Variants in ZNF799 observed in about 807,000 individuals in gnomAD.
ZNF799 encodes zinc finger protein 799.
ZNF799 carries 28 observed loss-of-function variants against 41.0 expected under a neutral mutation model. The observed-to-expected ratio is 0.68, with a 90% CI of 0.51 to 0.94. ZNF799 has a LOEUF of 0.94. Ranked by LOEUF, ZNF799 falls within the 40% of genes least tolerant of loss-of-function variation. ZNF799 has a pLI of 0.00. For missense variants in ZNF799, 716 were observed against 764.3 expected (o/e 0.94, Z 0.74); for synonymous variants, 213 against 252.9 (o/e 0.84, Z 1.50).
At chr19:12,399,196 T>C (rs909351987) in intron 1 of ZNF799, among the ~76,000 whole-genome samples, 2 of 151,996 alleles carry the variant, frequency 1.3e-5, no homozygotes, top group African/African-American at 4.8e-5. Flanking sequence ...ACAATCAGGG[T>C]GGGTCATCCT....
rs2910427 is a variant in ZNF799 at position 12,395,548 on chromosome 19, G to C, written c.4-2125C>G. 1.3e-3 allele frequency among the ~76,000 whole-genome samples: 194 copies of C among 152,110 alleles called. 2 individuals are homozygous for C. The highest frequency in any genetic ancestry group is 2.5e-3 in the South Asian group (12 of 4,816). On this transcript the variant is annotated intron_variant, in intron 1 of 3. Transcript: ENST00000430385. Reference sequence around the variant, plus strand: ...TACACAAAAAGCCTGTAGCCAACTGGAAGAACAGACTATGATTAAGACATA... The same window carrying C: ...TACACAAAAAGCCTGTAGCCAACTGCAAGAACAGACTATGATTAAGACATA...
upstream of ZNF799, among the ~76,000 whole-genome samples, chr19:12,402,317 G>A (rs994285728): frequency 4.6e-5 from 7 of 151,724 alleles, no homozygotes; most frequent in Admixed American, 2.0e-4. Context: ...TACTTTTTTG[G>A]TGGAGTCTTT....
At chr19:12,413,047 CAAAAAAAAA>C in the ZNF799 span, among the ~76,000 whole-genome samples, 5 of 62,888 alleles carry the variant, frequency 8.0e-5, no homozygotes, top group African/African-American at 3.0e-4. Flanking sequence ...ACTCCGTCTC[CAAAAAAAAA>C]AAAAAAAAAA....
the ZNF799 span, among the ~76,000 whole-genome samples, chr19:12,406,532 A>G: frequency 1.3e-5 from 2 of 152,038 alleles, no homozygotes; most frequent in Non-Finnish European, 2.9e-5. Context: ...AAATATGTTC[A>G]ACAAGGTAAA....
the ZNF799 span, among the ~76,000 whole-genome samples, chr19:12,408,120 C>T: frequency 1.3e-5 from 2 of 152,046 alleles, no homozygotes; most frequent in South Asian, 2.1e-4. Flanking sequence ...TGCCACTGCA[C>T]TCCAGCATGT....
At chr19:12,407,471 A>C in the ZNF799 span, among the ~76,000 whole-genome samples, 1 of 151,254 alleles carries the variant, frequency 6.6e-6, no homozygotes, top group Admixed American at 6.6e-5. Context: ...TAAAAAAAAA[A>C]AGAGAGAGAG....
upstream of ZNF799, among the ~76,000 whole-genome samples, chr19:12,401,953 T>A: frequency 6.6e-6 from 1 of 152,238 alleles, no homozygotes; most frequent in Non-Finnish European, 1.5e-5. Flanking sequence ...AGTCACTCTG[T>A]TGTGCTAGCA....
the ZNF799 span, among the ~76,000 whole-genome samples, chr19:12,407,840 T>A: frequency 6.6e-6 from 1 of 152,140 alleles, no homozygotes; most frequent in African/African-American, 2.4e-5. Flanking sequence ...ATACTCAAAC[T>A]CTAGGGAATT....
intron 1 of ZNF799, chr19:12,394,622 AG>A (rs1969868891): frequency 5.1e-6 from 5 of 985,340 alleles, no homozygotes; most frequent in Non-Finnish European, 6.0e-6. Flanking sequence ...ACCACCTCAA[AG>A]GAAAAATTTT....
In ZNF799 at chr19:12,392,034, T is replaced by C; in HGVS notation, c.364A>G (p.Ile122Val). Residue 122 changes from isoleucine to valine, a missense_variant, in exon 4 of 4, where the codon ATC becomes GTC. Around this residue, in one of 2 missense-constraint regions of ZNF799, gnomAD observed 698 missense variants for 713.6 expected, o/e 0.98. Transcript: ENST00000430385. ...GGTTTGTGCCCAGCACCAACTCTGA[T>C]GTAACAATTAAGGGATGAATGACCC... ...IMGHSSLNCY[I>V]RVGAGHKPYE... The C allele has an allele frequency of 1.9e-6, 3 of 1,614,204 alleles. No homozygotes were observed. Among genetic ancestry groups the C allele is most frequent in the Non-Finnish European group, 2.5e-6 (3 of 1,180,020 alleles).
At position 12,401,187 on chromosome 19, in the gene ZNF799, C is replaced by A. The variant is rs867412108; in HGVS notation, c.-117G>T. On this transcript the variant is annotated 5_prime_UTR_variant, in exon 1 of 4. Transcript: ENST00000430385. ...GTCGTCTCTTAGCTACAGAGCCGAG[C>A]ACCGAGCGCCCAGCGCAGGTGGGTG... The A allele has an allele frequency of 2.5e-6, 4 of 1,584,764 alleles. No individual in the cohort carries two copies. Among genetic ancestry groups the A allele is most frequent in the Admixed American group, 1.7e-5 (1 of 57,912 alleles).
intron 1 of ZNF799, among the ~76,000 whole-genome samples, chr19:12,399,423 T>C (rs375217323): frequency 1.3e-5 from 2 of 152,012 alleles, no homozygotes; most frequent in Admixed American, 6.5e-5. Context: ...TGTTCAGTCA[T>C]GTGTCTCCAA....
chr19:12,402,601 G>A (rs28752311), upstream of ZNF799, among the ~76,000 whole-genome samples: 3,602 of 126,390 alleles, frequency 0.028, 149 homozygotes, highest in African/African-American at 0.11. Flanking sequence ...TGTTAAGGTA[G>A]CTGCTTCTAT....
chr19:12,402,416 C>CTAT (rs1555762774), upstream of ZNF799, among the ~76,000 whole-genome samples: 1 of 125,048 alleles, frequency 8.0e-6, no homozygotes, highest in Non-Finnish European at 1.6e-5. Context: ...CCCTTTATTT[C>CTAT]TTTTTTTTTT....
intron 1 of ZNF799, among the ~76,000 whole-genome samples, chr19:12,395,314 G>A (rs1969878997): frequency 6.6e-6 from 1 of 151,894 alleles, no homozygotes; most frequent in South Asian, 2.1e-4. Flanking sequence ...GCCAACTTTT[G>A]TATTTTTACT....
Position 12,398,943 on chromosome 19 carries a change from T to G in ZNF799, c.3+2125A>C, listed in dbSNP as rs185817025. 9.2e-5 allele frequency among the ~76,000 whole-genome samples: 14 copies of G among 152,294 alleles called. No homozygotes were observed. In the East Asian group the frequency reaches 2.7e-3, roughly 29 times the overall value. On this transcript the variant is annotated intron_variant, in intron 1 of 3. Coordinates refer to ENST00000430385, the MANE Select transcript of ZNF799 (RefSeq NM_001080821.3). ...TTAAAAAATGGAATAGAAGATTACATATACCATTTATATTCTGAAATCCAA... is the reference window on the plus strand; with the variant it reads ...TTAAAAAATGGAATAGAAGATTACAGATACCATTTATATTCTGAAATCCAA...
rs572675175 is a variant in ZNF799, at chr19:12,401,161, G to A, written c.-91C>T. The A allele has an allele frequency of 1.1e-5, 17 of 1,608,158 alleles. No homozygotes were observed. Among genetic ancestry groups the A allele is most frequent in the African/African-American group, 4.0e-5 (3 of 74,920 alleles). On this transcript the variant is annotated 5_prime_UTR_variant, in exon 1 of 4. Coordinates refer to ENST00000430385, the MANE Select transcript of ZNF799 (RefSeq NM_001080821.3). Reference sequence around the variant, plus strand: ...GACACAGGCTGCCACGGAACTTCCAGGTCGTCTCTTAGCTACAGAGCCGAG... The same window carrying A: ...GACACAGGCTGCCACGGAACTTCCAAGTCGTCTCTTAGCTACAGAGCCGAG...
the ZNF799 span, among the ~76,000 whole-genome samples, chr19:12,413,170 T>C: frequency 6.6e-6 from 1 of 152,122 alleles, no homozygotes; most frequent in Non-Finnish European, 1.5e-5. Flanking sequence ...TCCTGATTCG[T>C]TTCTAAATCA....
Position 12,401,246 on chromosome 19 carries a change from T to A in ZNF799, c.-176A>T. On this transcript the variant is annotated 5_prime_UTR_variant, in exon 1 of 4. Transcript: ENST00000430385. Reference sequence around the variant, plus strand: ...GCCGCGGGCTTTTTCAACCACACACTCCTCTGGGAAGCGCGCCTGATTGAC... The same window carrying A: ...GCCGCGGGCTTTTTCAACCACACACACCTCTGGGAAGCGCGCCTGATTGAC... The A allele has an allele frequency of 7.1e-7, 1 of 1,417,306 alleles. No individual in the cohort carries two copies. The highest frequency in any genetic ancestry group is 9.3e-7 in the Non-Finnish European group (1 of 1,072,108). 87.8% of individuals were successfully genotyped at this position (1,417,306 alleles called of 1,614,324 possible).
Sources: gnomAD v4.1 joint callset for allele counts (sites outside exome capture counted in the v4.1 genomes callset) on GRCh38, gnomAD v4.1.1 for gene constraint, gnomAD v4.1.1 regional missense constraint, MANE v1.5 for transcripts, NCBI Gene and HGNC (gene_info 2026-07-23, HGNC 2026-07-21) for gene names.